Variants in MTHFD1L observed in about 807,000 individuals in gnomAD.
MTHFD1L encodes methylenetetrahydrofolate dehydrogenase (NADP+ dependent) 1 like.
A neutral mutation model predicts 119.5 loss-of-function variants in MTHFD1L; 81 were observed. The ratio of observed to expected loss-of-function variants is 0.68; its 90% CI spans 0.57 to 0.82. The LOEUF (loss-of-function observed/expected upper bound fraction) is 0.82, where lower values mean the gene tolerates loss of function less well. Among genes scored for constraint, MTHFD1L ranks in the 40% least tolerant of loss-of-function variants. The probability of loss-of-function intolerance (pLI) is 0.00; values close to 1 mark genes in which losing one functional copy is unlikely to be tolerated. For missense variants in MTHFD1L, 1,125 were observed against 1,253.4 expected (o/e 0.90, Z 1.55); for synonymous variants, 430 against 475.2 (o/e 0.90, Z 1.24).
intron 26 of MTHFD1L, among the ~76,000 whole-genome samples, chr6:151,069,722 C>A (rs1791746621): frequency 6.6e-6 from 1 of 152,114 alleles, no homozygotes; most frequent in South Asian, 2.1e-4. Context: ...TCTCTGGTGA[C>A]CCTCATCTCA....
chr6:150,884,026 C>T (rs1447934243), intron 5 of MTHFD1L, among the ~76,000 whole-genome samples: 1 of 152,090 alleles, frequency 6.6e-6, no homozygotes, highest in African/African-American at 2.4e-5. Context: ...CCAGTCCTGG[C>T]TGGGCACAGT....
chr6:150,894,760 T>C (rs184725108), intron 7 of MTHFD1L, among the ~76,000 whole-genome samples: 35 of 152,326 alleles, frequency 2.3e-4, no homozygotes, highest in Admixed American at 2.0e-3. Context: ...GGAAGGATAT[T>C]CTGTGGACGC....
At chr6:150,994,082 A>G (rs1562508748) in intron 20 of MTHFD1L, among the ~76,000 whole-genome samples, 21 of 139,852 alleles carry the variant, frequency 1.5e-4, no homozygotes, top group African/African-American at 6.3e-4. Context: ...AAAAAAAAAG[A>G]AAGAAAGAAA....
In MTHFD1L at chr6:150,865,970, C is replaced by A. The variant is rs1186748762; in HGVS notation, c.148C>A (p.Arg50=). The A allele has an allele frequency of 2.4e-6, 3 of 1,273,500 alleles. No homozygotes were observed. The highest frequency in any genetic ancestry group is 3.0e-6 in the Non-Finnish European group (3 of 1,015,228). The allele number at this position is 1,273,500 out of a possible 1,614,324, so 78.9% of individuals were successfully genotyped here. The change falls in exon 1 of 28, where the codon CGG becomes AGG. Residue 50 remains arginine (R), a synonymous_variant. Coordinates refer to ENST00000367321, the MANE Select transcript of MTHFD1L (RefSeq NM_015440.5). ...GGGREGLLGQ[R]RPQDGQARSS... Reference sequence around the variant, plus strand: ...TGGCCGGGAGGGCCTGCTTGGACAGCGGCGGCCGCAGGATGGCCAGGCCCG... The same window carrying A: ...TGGCCGGGAGGGCCTGCTTGGACAGAGGCGGCCGCAGGATGGCCAGGCCCG...
At chr6:150,890,887 A>G (rs1223983738) in intron 7 of MTHFD1L, among the ~76,000 whole-genome samples, 1 of 152,266 alleles carries the variant, frequency 6.6e-6, no homozygotes, top group Non-Finnish European at 1.5e-5. Context: ...AGTTGCATGT[A>G]GAGTATGCAT....
At chr6:151,009,781 A>G (rs1157997941) in intron 20 of MTHFD1L, 38 bp from the exon 21 acceptor site, 2 of 1,609,030 alleles carry the variant, frequency 1.2e-6, no homozygotes, top group South Asian at 1.1e-5. Flanking sequence ...CTTTGTTTTT[A>G]GAAGATAATA....
At chr6:151,056,257 G>A (rs1789906209) in intron 26 of MTHFD1L, among the ~76,000 whole-genome samples, 1 of 152,168 alleles carries the variant, frequency 6.6e-6, no homozygotes, top group African/African-American at 2.4e-5. Flanking sequence ...TGTTTGGGTG[G>A]GTTAGTCACC....
intron 23 of MTHFD1L, among the ~76,000 whole-genome samples, chr6:151,015,280 A>G (rs1164159916): frequency 7.0e-6 from 1 of 142,602 alleles, no homozygotes. Context: ...TCAAAGGGAT[A>G]TGTTATGGAA....
chr6:150,969,245 G>T (rs1797688335), intron 19 of MTHFD1L, among the ~76,000 whole-genome samples: 1 of 152,326 alleles, frequency 6.6e-6, no homozygotes, highest in Admixed American at 6.5e-5. Flanking sequence ...GCCTCTCAAA[G>T]TACTGGGATT....
At chr6:150,960,187 T>G in intron 17 of MTHFD1L, 88 bp from the exon 18 acceptor site, 1 of 1,492,426 alleles carries the variant, frequency 6.7e-7, no homozygotes, top group African/African-American at 1.4e-5. Flanking sequence ...GGCCTGTGGT[T>G]GCTTCATGGC....
intron 20 of MTHFD1L, among the ~76,000 whole-genome samples, chr6:150,997,680 G>A (rs1234698699): frequency 2.0e-5 from 3 of 152,018 alleles, no homozygotes; most frequent in Non-Finnish European, 4.4e-5. Flanking sequence ...GGTCCCAGCT[G>A]CTCAGGAGGC....
rs1337156644 is a variant in MTHFD1L, at chr6:151,041,632, G to A, written c.2847+4515G>A. 5 of 352,722 alleles carry A rather than the reference G, an allele frequency of 1.4e-5. No homozygotes were observed. The East Asian group carries it at 3.1e-4, about 22-fold the overall frequency. 21.8% of individuals were successfully genotyped at this position (352,722 alleles called of 1,614,324 possible). A position where few individuals can be genotyped will look rare whatever the true frequency, so the allele number is the denominator to read the frequency against. On this transcript the variant is annotated intron_variant, in intron 26 of 27. Transcript: ENST00000367321. ...ATTATTAAATGCCTACAGCACGCAG[G>A]GCCATCAGCCCCACAGCTATGAGAA... is the stretch of plus-strand genomic sequence containing the variant.
intron 25 of MTHFD1L, 125 bp from the exon 26 acceptor site, chr6:151,036,840 G>C: frequency 2.1e-6 from 2 of 930,246 alleles, no homozygotes. Flanking sequence ...GTAACAAGCA[G>C]CTCCTGCGTG....
At chr6:151,027,552 T>C (rs1288443866) in intron 24 of MTHFD1L, among the ~76,000 whole-genome samples, 4 of 152,012 alleles carry the variant, frequency 2.6e-5, no homozygotes, top group Non-Finnish European at 5.9e-5. Context: ...ATTTTATTTG[T>C]TTATAAAAGC....
intron 24 of MTHFD1L, among the ~76,000 whole-genome samples, chr6:151,028,823 C>T (rs996902568): frequency 1.4e-4 from 22 of 152,160 alleles, no homozygotes; most frequent in Non-Finnish European, 3.1e-4. Flanking sequence ...CGGCTGTAAT[C>T]CCAGCACTTT....
intron 26 of MTHFD1L, among the ~76,000 whole-genome samples, chr6:151,038,220 C>G (rs1786485665): frequency 6.6e-6 from 1 of 152,172 alleles, no homozygotes; most frequent in South Asian, 2.1e-4. Context: ...TCTGAATGCC[C>G]TCAGAGCCCA....
At chr6:150,917,123 A>G (rs934268949) in intron 8 of MTHFD1L, among the ~76,000 whole-genome samples, 1 of 152,130 alleles carries the variant, frequency 6.6e-6, no homozygotes, top group Non-Finnish European at 1.5e-5. Flanking sequence ...CTTTCATGTA[A>G]CACTTTGACC....
At chr6:150,958,784 A>G (rs1368351307) in intron 17 of MTHFD1L, among the ~76,000 whole-genome samples, 1 of 152,224 alleles carries the variant, frequency 6.6e-6, no homozygotes, top group East Asian at 1.9e-4. Flanking sequence ...GCAAAACAGA[A>G]ATGAGCAGCC....
chr6:150,926,275 A>G lies in MTHFD1L; in HGVS notation c.1236A>G (p.Gly412=), dbSNP rs1251884007. The G allele has an allele frequency of 1.2e-6, 2 of 1,612,098 alleles. No homozygotes were observed. The highest frequency in any genetic ancestry group is 3.3e-5 in the Admixed American group (2 of 59,910). ...AAAGGTTAAAGGATCAAGCAGATGG[A>G]AAATACGTCTTAGTTGCTGGGTAAG... ...VLERLKDQAD[G]KYVLVAGITP... The change falls in exon 11 of 28, where the codon GGA becomes GGG. Residue 412 remains glycine (G), a synonymous_variant. Transcript: ENST00000367321. This position sits in a 1 kb window ranked among gnomAD's most constrained non-coding sequence, Gnocchi z 4.3.
Sources: allele counts gnomAD v4.1 joint callset (sites outside exome capture counted in the v4.1 genomes callset), GRCh38; gene constraint gnomAD v4.1.1; non-coding constraint Gnocchi (gnomAD v3.1); transcripts MANE v1.5; gene names NCBI Gene and HGNC (gene_info 2026-07-23, HGNC 2026-07-21).